The following IL1RAPL1 variants were observed in gnomAD, a reference collection of about 807,000 sequenced individuals.
The protein encoded by IL1RAPL1 is interleukin 1 receptor accessory protein like 1, also known as interleukin-1 receptor accessory protein-like 1.
IL1RAPL1 carries 3 observed loss-of-function variants against 48.4 expected under a neutral mutation model. The ratio of observed to expected loss-of-function variants is 0.06; its 90% CI spans 0.03 to 0.16. The LOEUF is 0.16. Among genes scored for constraint, IL1RAPL1 ranks in the 10% least tolerant of loss-of-function variants. The pLI is 1.00. For missense variants in IL1RAPL1, 349 were observed against 530.6 expected, an observed-to-expected ratio of 0.66 and a Z score of 3.36; for synonymous variants, 185 against 187.7, an observed-to-expected ratio of 0.99 and a Z score of 0.12.
chrX:29,024,765 C>T (rs1926448461), intron 2 of IL1RAPL1, among the ~76,000 whole-genome samples: 1 of 111,675 alleles, frequency 9.0e-6, no homozygotes, highest in Non-Finnish European at 1.9e-5. Context: ...TTCTGGCTCA[C>T]TCTTGCTCAG....
chrX:29,078,590 G>A lies in IL1RAPL1; in HGVS notation c.83-204348G>A, dbSNP rs1044496826. Among the ~76,000 whole-genome samples, 4 of 112,149 alleles carry A rather than the reference G, an allele frequency of 3.6e-5. No individual in the cohort carries two copies. The Admixed American group carries it at 3.8e-4, about 11-fold the overall frequency. On this transcript the variant is annotated intron_variant, in intron 2 of 10. Transcript: ENST00000378993. ...TAGGTGGATGCACATTTTGTTTCAT[G>A]TCCATGAAGATTCGAAGCGTTAAGT...
intron 9 of IL1RAPL1, among the ~76,000 whole-genome samples, chrX:29,943,065 G>A (rs1309621436): frequency 9.0e-6 from 1 of 111,299 alleles, no homozygotes. Context: ...AGTTTTGCAG[G>A]TTTGTAAAGA....
intron 5 of IL1RAPL1, 36 bp from the exon 6 acceptor site, chrX:29,668,394 A>G (rs367702389): frequency 4.8e-5 from 52 of 1,088,653 alleles, no homozygotes; most frequent in Non-Finnish European, 6.2e-5. Flanking sequence ...CAGCATAACT[A>G]TAAGTCTCTG....
chrX:29,857,256 C>A (rs1352014431), intron 6 of IL1RAPL1, among the ~76,000 whole-genome samples: 1 of 110,348 alleles, frequency 9.1e-6, no homozygotes, highest in Non-Finnish European at 1.9e-5. Flanking sequence ...AAAGGAACTG[C>A]CAAATAATAA....
chrX:29,240,220 ATATATTTTTTT>A (rs1429715905), intron 2 of IL1RAPL1, among the ~76,000 whole-genome samples: 153 of 19,403 alleles, frequency 7.9e-3, no homozygotes, highest in Non-Finnish European at 0.011. Flanking sequence ...ATATATATAT[ATATATTTTTTT>A]TTTTTTTTTT....
Position 28,795,660 on chromosome X carries a change from AGTATTCCAACTTATTAACTT to A in IL1RAPL1, c.82+6252_82+6271del, listed in dbSNP as rs752840444. 9.0e-3 allele frequency among the ~76,000 whole-genome samples: 1,000 copies of A among 111,296 alleles called. 8 individuals carry two copies. The highest frequency in any genetic ancestry group is 0.015 in the Non-Finnish European group (786 of 53,050). On this transcript the variant is annotated intron_variant, in intron 2 of 10. Coordinates refer to ENST00000378993, the MANE Select transcript of IL1RAPL1 (RefSeq NM_014271.4). Reference sequence around the variant, plus strand: ...GAATATTATTATTATTAGTTGTATTAGTATTCCAACTTATTAACTTGTATTCCAACTTATTACTTATTATT... The same window carrying A: ...GAATATTATTATTATTAGTTGTATTAGTATTCCAACTTATTACTTATTATT...
At chrX:29,315,514 T>G (rs187816347) in intron 3 of IL1RAPL1, among the ~76,000 whole-genome samples, 3 of 111,701 alleles carry the variant, frequency 2.7e-5, no homozygotes, top group African/African-American at 9.7e-5. Flanking sequence ...TTTTTTATTT[T>G]TGTGTGTGTT....
intron 5 of IL1RAPL1, among the ~76,000 whole-genome samples, chrX:29,623,458 C>A (rs1467309780): frequency 9.0e-6 from 1 of 111,481 alleles, no homozygotes; most frequent in Non-Finnish European, 1.9e-5. Flanking sequence ...ACTTAGTATC[C>A]TATGGTTATA....
chrX:28,906,041 C>G (rs919647563), intron 2 of IL1RAPL1, among the ~76,000 whole-genome samples: 1 of 112,116 alleles, frequency 8.9e-6, no homozygotes, highest in African/African-American at 3.2e-5. Flanking sequence ...AGGAAACTCA[C>G]AATCATGATG....
At chrX:29,721,738 C>T (rs866127203) in intron 6 of IL1RAPL1, among the ~76,000 whole-genome samples, 9 of 111,522 alleles carry the variant, frequency 8.1e-5, no homozygotes, top group Middle Eastern at 4.6e-3. Context: ...ATCTCATATG[C>T]ACATACTCAC....
intron 1 of IL1RAPL1, among the ~76,000 whole-genome samples, chrX:28,740,828 A>G (rs1026747597): frequency 1.5e-4 from 17 of 111,746 alleles, no homozygotes; most frequent in African/African-American, 5.2e-4. Context: ...TTTGATTTCA[A>G]TCTTTTTATG....
chrX:29,548,038 C>T (rs1921683765), intron 5 of IL1RAPL1, among the ~76,000 whole-genome samples: 1 of 112,353 alleles, frequency 8.9e-6, no homozygotes, highest in East Asian at 2.8e-4. Flanking sequence ...TCCACCTTTG[C>T]CTTCTACAGT....
At chrX:29,319,488 G>A (rs1424360756) in intron 3 of IL1RAPL1, among the ~76,000 whole-genome samples, 1 of 101,407 alleles carries the variant, frequency 9.9e-6, no homozygotes, top group Non-Finnish European at 2.0e-5. Context: ...ATAGACATAA[G>A]TCACCATGCC....
chrX:29,030,994 A>G (rs1926606015), intron 2 of IL1RAPL1, among the ~76,000 whole-genome samples: 1 of 111,754 alleles, frequency 8.9e-6, no homozygotes, highest in African/African-American at 3.2e-5. Flanking sequence ...GTTTAAAGCT[A>G]GTAATGTATT....
intron 2 of IL1RAPL1, among the ~76,000 whole-genome samples, chrX:28,958,840 C>A (rs1439986131): frequency 1.8e-5 from 2 of 110,505 alleles, no homozygotes; most frequent in Non-Finnish European, 3.8e-5. Flanking sequence ...TTCTAATAAT[C>A]CATAATAATG....
intron 6 of IL1RAPL1, among the ~76,000 whole-genome samples, chrX:29,836,949 C>T (rs1389325771): frequency 9.1e-6 from 1 of 109,815 alleles, no homozygotes; most frequent in Non-Finnish European, 1.9e-5. Context: ...TATCATGCTG[C>T]CCTGTACATA....
At chrX:28,736,828 A>AT (rs1028563833) in intron 1 of IL1RAPL1, among the ~76,000 whole-genome samples, 1 of 110,801 alleles carries the variant, frequency 9.0e-6, no homozygotes, top group Non-Finnish European at 1.9e-5. Context: ...GTTTTTCACT[A>AT]TTTTTTTTCC....
intron 5 of IL1RAPL1, among the ~76,000 whole-genome samples, chrX:29,562,227 T>C (rs1164218460): frequency 1.9e-5 from 2 of 107,629 alleles, no homozygotes; most frequent in Admixed American, 1.0e-4. Flanking sequence ...CTCAAACTCC[T>C]GGGCTCAAGT....
At chrX:29,583,820 G>A (rs1018783989) in intron 5 of IL1RAPL1, among the ~76,000 whole-genome samples, 5 of 111,155 alleles carry the variant, frequency 4.5e-5, no homozygotes, top group African/African-American at 1.6e-4. Context: ...TTCAAAGATA[G>A]CATCTTAAAA....
Sources: allele counts gnomAD v4.1 joint callset (sites outside exome capture counted in the v4.1 genomes callset), GRCh38; gene constraint gnomAD v4.1.1; transcripts MANE v1.5; gene names NCBI Gene and HGNC (gene_info 2026-07-23, HGNC 2026-07-21).